TRAF5: variants seen among roughly 807,000 people sequenced by gnomAD.
The protein encoded by TRAF5 is TNF receptor-associated factor 5.
Under a neutral mutation model 64.5 loss-of-function variants are expected in TRAF5, and 48 were observed. The ratio of observed to expected loss-of-function variants is 0.74; its 90% CI spans 0.59 to 0.95. The LOEUF (loss-of-function observed/expected upper bound fraction) is 0.95. Among genes scored for constraint, TRAF5 ranks in the 40% least tolerant of loss-of-function variants. The pLI is 0.00. For missense variants in TRAF5, 545 were observed against 662.8 expected, an observed-to-expected ratio of 0.82 and a Z score of 1.95; for synonymous variants, 206 against 240.5, an observed-to-expected ratio of 0.86 and a Z score of 1.33.
At chr1:211,328,779 G>T (rs183401159) in intron 1 of TRAF5, among the ~76,000 whole-genome samples, 5 of 152,322 alleles carry the variant, frequency 3.3e-5, no homozygotes, top group Admixed American at 1.3e-4. Flanking sequence ...TGTAAAGCTC[G>T]TTCCTTTGCA....
chr1:211,359,795 C>A (rs560865533), intron 4 of TRAF5, 117 bp from the exon 5 acceptor site: 3 of 1,260,446 alleles, frequency 2.4e-6, no homozygotes, highest in South Asian at 1.4e-5. Context: ...TTGCCCTGTG[C>A]AAGCCTTTCT....
intron 1 of TRAF5, among the ~76,000 whole-genome samples, chr1:211,328,925 G>C (rs1052005563): frequency 1.3e-5 from 2 of 152,158 alleles, no homozygotes; most frequent in African/African-American, 4.8e-5. Context: ...AGCTCCCTGA[G>C]CTCCACTGCT....
chr1:211,352,477 T>A (rs1702819393), intron 1 of TRAF5, among the ~76,000 whole-genome samples: 2 of 148,952 alleles, frequency 1.3e-5, no homozygotes, highest in African/African-American at 2.5e-5. Context: ...TTTTTTTTTT[T>A]AATTGGCCTG....
chr1:211,331,506 T>C (rs892677129), intron 1 of TRAF5, among the ~76,000 whole-genome samples: 1 of 152,076 alleles, frequency 6.6e-6, no homozygotes, highest in African/African-American at 2.4e-5. Context: ...GAGCCTGGAG[T>C]CTGGCAGATA....
At chr1:211,347,880 A>C (rs1201599898) in intron 1 of TRAF5, among the ~76,000 whole-genome samples, 1 of 152,238 alleles carries the variant, frequency 6.6e-6, no homozygotes, top group East Asian at 1.9e-4. Flanking sequence ...GTTCCAGTTC[A>C]GTGACCTTTT....
At chr1:211,351,317 C>T (rs527260210) in intron 1 of TRAF5, among the ~76,000 whole-genome samples, 4 of 152,134 alleles carry the variant, frequency 2.6e-5, no homozygotes, top group East Asian at 1.9e-4. Flanking sequence ...TGAGCCACTG[C>T]GTCCAGCCTT....
chr1:211,351,823 TTGTC>T lies in TRAF5; in HGVS notation c.-1-1412_-1-1409del, dbSNP rs1236049836. Among the ~76,000 whole-genome samples, 24 of 152,356 alleles carry T rather than the reference TTGTC, an allele frequency of 1.6e-4. No homozygotes were observed. The East Asian group carries it at 1.9e-3, about 12-fold the overall frequency. ...TGTCTATTCTGTTCCCTGGATCTAT[TTGTC>T]TGTTCTTTTGATAGTACTACACTGT... On this transcript the variant is annotated intron_variant, in intron 1 of 10. Coordinates refer to ENST00000261464, the MANE Select transcript of TRAF5 (RefSeq NM_001033910.3).
chr1:211,350,289 G>A (rs932366649), intron 1 of TRAF5, among the ~76,000 whole-genome samples: 3 of 113,910 alleles, frequency 2.6e-5, no homozygotes, highest in East Asian at 2.3e-4. Context: ...ATCATGACTC[G>A]CTGTGGCCTC....
At chr1:211,334,519 T>C (rs1702240699) in intron 1 of TRAF5, among the ~76,000 whole-genome samples, 1 of 152,018 alleles carries the variant, frequency 6.6e-6, no homozygotes. Context: ...TTAGCCGGGC[T>C]TGGTGGCACG....
chr1:211,337,944 T>C (rs1702347729), intron 1 of TRAF5, among the ~76,000 whole-genome samples: 1 of 151,842 alleles, frequency 6.6e-6, no homozygotes, highest in South Asian at 2.1e-4. Context: ...AGGGGAGAGG[T>C]CCAGATTGCA....
chr1:211,345,387 C>G (rs1459187296), intron 1 of TRAF5, among the ~76,000 whole-genome samples: 7 of 148,594 alleles, frequency 4.7e-5, no homozygotes, highest in Non-Finnish European at 1.5e-5. Flanking sequence ...TTTTTTGCTT[C>G]CTGGTAGTAA....
At chr1:211,364,739 G>A (rs1162844575) in intron 7 of TRAF5, among the ~76,000 whole-genome samples, 1 of 151,912 alleles carries the variant, frequency 6.6e-6, no homozygotes, top group Non-Finnish European at 1.5e-5. Flanking sequence ...CCTCAAAGGA[G>A]ATAGGTTTTA....
chr1:211,358,063 C>A (rs901996772), intron 4 of TRAF5: 1 of 152,198 alleles, frequency 6.6e-6, no homozygotes, highest in African/African-American at 2.4e-5. Flanking sequence ...TCTTAGCTTG[C>A]CAATTTTGTC....
intron 1 of TRAF5, among the ~76,000 whole-genome samples, chr1:211,340,463 G>A (rs1299585881): frequency 1.3e-5 from 2 of 152,146 alleles, no homozygotes; most frequent in African/African-American, 4.8e-5. Context: ...TGTATTTTTA[G>A]TAGAGATGGG....
chr1:211,369,634 C>A, intron 9 of TRAF5, 42 bp downstream of exon 9: 1 of 1,502,684 alleles, frequency 6.7e-7, no homozygotes, highest in South Asian at 1.4e-5. Flanking sequence ...ATTTGGCTTT[C>A]AATTGCAGTG....
At chr1:211,343,613 T>C (rs1702506505) in intron 1 of TRAF5, among the ~76,000 whole-genome samples, 1 of 152,112 alleles carries the variant, frequency 6.6e-6, no homozygotes, top group Non-Finnish European at 1.5e-5. Flanking sequence ...CTAATGCATA[T>C]AATTAGCTGT....
chr1:211,350,214 CTTTCTTTTTTTTTTTT>C (rs1702742359), intron 1 of TRAF5, among the ~76,000 whole-genome samples: 1 of 142,876 alleles, frequency 7.0e-6, no homozygotes, highest in Admixed American at 7.0e-5. Context: ...TTTTTTTTTT[CTTTCTTTTTTTTTTTT>C]GAGACAGGGT....
chr1:211,372,057 C>A (rs528727320), intron 10 of TRAF5, 71 bp from the exon 11 acceptor site: 2 of 1,378,144 alleles, frequency 1.5e-6, no homozygotes, highest in Non-Finnish European at 2.0e-6. Context: ...AACAAAATTC[C>A]ACTTTGGGAA....
At chr1:211,365,270 A>T in intron 7 of TRAF5, 106 bp from the exon 8 acceptor site, 2 of 937,692 alleles carry the variant, frequency 2.1e-6, no homozygotes, top group Non-Finnish European at 3.2e-6. Context: ...TTAAACTATT[A>T]AAGTAAGCAA....
Sources: allele counts gnomAD v4.1 joint callset (sites outside exome capture counted in the v4.1 genomes callset), GRCh38; gene constraint gnomAD v4.1.1; transcripts MANE v1.5; gene names NCBI Gene and HGNC (gene_info 2026-07-23, HGNC 2026-07-21).